Variants in AASDH observed in about 807,000 individuals in gnomAD.
AASDH encodes aminoadipate-semialdehyde dehydrogenase.
In AASDH, 81 loss-of-function variants were observed where a neutral mutation model predicts 102.3. The observed-to-expected ratio is 0.79, with a 90% CI of 0.66 to 0.95. The LOEUF is 0.95. Ranked by LOEUF, AASDH falls within the 40% of genes least tolerant of loss-of-function variation. The pLI is 0.00. For synonymous variants in AASDH, 398 were observed against 454.0 expected, an observed-to-expected ratio of 0.88 and a Z score of 1.57; for missense variants, 1,203 against 1,266.2, an observed-to-expected ratio of 0.95 and a Z score of 0.76.
In AASDH at chr4:56,363,498, C is replaced by T. The variant is rs528355091; in HGVS notation, c.861+7953G>A. Among the ~76,000 whole-genome samples, 60 of 152,330 alleles carry T rather than the reference C, an allele frequency of 3.9e-4. 1 individual carries two copies. Among genetic ancestry groups the T allele is most frequent in the Non-Finnish European group, 6.3e-4 (43 of 68,026 alleles). The stretch of plus-strand genomic sequence containing the variant: ...AGTAGGGGCGGACTGACACTTCACA[C>T]GGCTGGGTACTCCTCTGAGACAAAA... On this transcript the variant is annotated intron_variant, in intron 5 of 14. Coordinates refer to ENST00000205214, the MANE Select transcript of AASDH (RefSeq NM_181806.4).
chr4:56,353,755 C>T (rs553321826), intron 8 of AASDH, among the ~76,000 whole-genome samples, 159 bp from the exon 9 acceptor site: 1 of 152,044 alleles, frequency 6.6e-6, no homozygotes, highest in South Asian at 2.1e-4. Flanking sequence ...CTATTACTTG[C>T]ACATAGGGTT....
rs1252634007 is a variant in AASDH at position 56,378,382 on chromosome 4, T to C, written c.434A>G (p.His145Arg). ...CAAGTTCACCTCAGTATTTTTCCAG[T>C]GAAGTCTGAAGAGCACTAGGTCATT... is the stretch of plus-strand genomic sequence containing the variant. ...EHNDLVLFRL[H>R]WKNTEVNLML... The change falls in exon 4 of 15, where the codon CAC becomes CGC. Residue 145 changes from histidine (H) to arginine (R), a missense_variant. By Grantham distance (29) the His-to-Arg change is conservative (BLOSUM62 0). Transcript: ENST00000205214. The C allele has an allele frequency of 1.2e-6, 2 of 1,613,924 alleles. No individual in the cohort carries two copies. Among genetic ancestry groups the C allele is most frequent in the Non-Finnish European group, 1.7e-6 (2 of 1,179,820 alleles).
At chr4:56,347,038 C>CT (rs1395964120) in intron 11 of AASDH, among the ~76,000 whole-genome samples, 1 of 143,916 alleles carries the variant, frequency 6.9e-6, no homozygotes, top group Non-Finnish European at 1.5e-5. Flanking sequence ...AAGACGCTGT[C>CT]TTAAAAAAAA....
intron 5 of AASDH, among the ~76,000 whole-genome samples, chr4:56,369,513 T>C (rs1578035478): frequency 6.6e-6 from 1 of 152,332 alleles, no homozygotes; most frequent in East Asian, 1.9e-4. Context: ...TGAATTAGGA[T>C]GAAAAACACA....
chr4:56,374,367 C>CAAAAAAAAA lies in AASDH; in HGVS notation c.669-2725_669-2724insTTTTTTTTT, dbSNP rs752531940. ...TGGGTGACAGAGTGAGACTCTGTCT[C>CAAAAAAAAA]AGAAAAAAAAAAAAAAAAAAAAAGG... On this transcript the variant is annotated intron_variant, in intron 4 of 14. Transcript: ENST00000205214. Among the ~76,000 whole-genome samples the CAAAAAAAAA allele has an allele frequency of 7.3e-5, 8 of 110,254 alleles. 1 individual carries two copies. Among genetic ancestry groups the CAAAAAAAAA allele is most frequent in the African/African-American group, 3.3e-5 (1 of 30,080 alleles). 72.3% of individuals were successfully genotyped at this position (110,254 alleles called of 152,430 possible). A position where few individuals can be genotyped will look rare whatever the true frequency, so the allele number is the denominator to read the frequency against.
intron 1 of AASDH, among the ~76,000 whole-genome samples, chr4:56,386,813 A>G (rs1311646022): frequency 1.3e-5 from 2 of 149,368 alleles, no homozygotes; most frequent in Non-Finnish European, 3.0e-5. Flanking sequence ...AAAAAAAAAA[A>G]AAAAAAAAAG....
intron 5 of AASDH, among the ~76,000 whole-genome samples, 184 bp downstream of exon 5, chr4:56,371,267 C>T (rs529356550): frequency 6.6e-6 from 1 of 152,204 alleles, no homozygotes; most frequent in African/African-American, 2.4e-5. Flanking sequence ...AGGCAGAATT[C>T]ATTTATCTTT....
chr4:56,372,375 C>T (rs930896190), intron 4 of AASDH, among the ~76,000 whole-genome samples: 3 of 152,178 alleles, frequency 2.0e-5, no homozygotes, highest in Non-Finnish European at 4.4e-5. Flanking sequence ...TGGTTCTGCT[C>T]CTCTGGCAGA....
At chr4:56,363,173 G>A (rs1324547529) in intron 5 of AASDH, among the ~76,000 whole-genome samples, 1 of 152,236 alleles carries the variant, frequency 6.6e-6, no homozygotes, top group African/African-American at 2.4e-5. Flanking sequence ...GCGAGGCTGG[G>A]GGAGGGGCGC....
At chr4:56,385,187 A>G (rs1399830079) in intron 1 of AASDH, among the ~76,000 whole-genome samples, 1 of 152,262 alleles carries the variant, frequency 6.6e-6, no homozygotes, top group Non-Finnish European at 1.5e-5. Context: ...AATCTTTGAC[A>G]GAAGAAAGCA....
chr4:56,366,973 C>A (rs1751093379), intron 5 of AASDH, among the ~76,000 whole-genome samples: 1 of 152,126 alleles, frequency 6.6e-6, no homozygotes, highest in Non-Finnish European at 1.5e-5. Flanking sequence ...CAGAAAACCC[C>A]ATCGTCTCAG....
At chr4:56,365,421 T>C (rs984905247) in intron 5 of AASDH, among the ~76,000 whole-genome samples, 2 of 152,016 alleles carry the variant, frequency 1.3e-5, no homozygotes, top group African/African-American at 4.8e-5. Context: ...TATACATTCT[T>C]CTCAGCACCA....
chr4:56,343,538 C>A, intron 13 of AASDH, 24 bp downstream of exon 13: 2 of 1,536,636 alleles, frequency 1.3e-6, no homozygotes, highest in South Asian at 1.3e-5. Context: ...GTAATAAAAT[C>A]AATATGTATT....
Sources: allele counts gnomAD v4.1 joint callset (sites outside exome capture counted in the v4.1 genomes callset), GRCh38; gene constraint gnomAD v4.1.1; transcripts MANE v1.5; gene names NCBI Gene and HGNC (gene_info 2026-07-23, HGNC 2026-07-21).